The following THOC2 variants were observed in gnomAD, a reference collection of about 807,000 sequenced individuals.
The protein encoded by THOC2 is THO complex 2.
THOC2 carries 10 observed loss-of-function variants against 128.4 expected under a neutral mutation model. The observed-to-expected ratio is 0.08, with a 90% CI of 0.05 to 0.13. The LOEUF is 0.13. Among genes scored for constraint, THOC2 ranks in the 10% least tolerant of loss-of-function variants. THOC2 has a pLI of 1.00. For synonymous variants in THOC2, 393 were observed against 396.9 expected (o/e 0.99, Z 0.12); for missense variants, 535 against 1,155.7 (o/e 0.46, Z 7.79).
chrX:123,694,573 A>T (rs1056437797), intron 7 of THOC2, among the ~76,000 whole-genome samples: 3 of 105,904 alleles, frequency 2.8e-5, no homozygotes, highest in Non-Finnish European at 5.8e-5. Context: ...GCGCCACTGC[A>T]CTCCAGCCTG....
rs6649062 is a variant in THOC2 at position 123,686,046 on chromosome X, A to G, written c.768+502T>C. ...AATAAAAAATAAATAAATAAAAATA[A>G]GATTCTAACTCTTAACACAGTATTC... On this transcript the variant is annotated intron_variant, in intron 8 of 38. Transcript: ENST00000245838. 5.4e-3 allele frequency among the ~76,000 whole-genome samples: 601 copies of G among 111,606 alleles called. 26 individuals are homozygous for G. The East Asian group carries it at 0.15, about 27-fold the overall frequency.
chrX:123,679,822 G>A (rs768971939), intron 8 of THOC2, among the ~76,000 whole-genome samples: 45 of 112,094 alleles, frequency 4.0e-4, no homozygotes, highest in Non-Finnish European at 6.4e-4. Flanking sequence ...GTCAACTCAG[G>A]GTTAAATGGA....
chrX:123,622,642 C>T lies in THOC2; in HGVS notation c.3785+116G>A, dbSNP rs764491480. The T allele has an allele frequency of 1.0e-5, 5 of 478,714 alleles. No individual in the cohort carries two copies. In the South Asian group the frequency reaches 2.1e-4, roughly 21 times the overall value. 39.5% of individuals were successfully genotyped at this position (478,714 alleles called of 1,213,427 possible). ...CCAAGGCAGGTGGATCGCTTGAGGC[C>T]AGAAGTTCGAGACCAGCCTGGGCAA... is the stretch of plus-strand genomic sequence containing the variant. On this transcript the variant is annotated intron_variant, in intron 30 of 38. Transcript: ENST00000245838.
intron 38 of THOC2, among the ~76,000 whole-genome samples, chrX:123,609,902 G>A (rs1471623643): frequency 1.8e-5 from 2 of 110,114 alleles, no homozygotes; most frequent in Non-Finnish European, 3.8e-5. Flanking sequence ...GGTGGCAGGC[G>A]CCTCTAATCC....
intron 7 of THOC2, among the ~76,000 whole-genome samples, chrX:123,688,693 G>T (rs1359202963): frequency 9.0e-6 from 1 of 110,940 alleles, no homozygotes; most frequent in East Asian, 2.8e-4. Context: ...AATTGAGGGG[G>T]AATGGGAGAA....
intron 22 of THOC2, among the ~76,000 whole-genome samples, chrX:123,630,564 G>C (rs919148570): frequency 1.1e-5 from 1 of 89,061 alleles, no homozygotes; most frequent in Admixed American, 1.4e-4. Context: ...AGTGAGCTGA[G>C]ATTGCGCCAC....
intron 1 of THOC2, among the ~76,000 whole-genome samples, chrX:123,720,705 A>T (rs999533369): frequency 9.8e-5 from 11 of 111,772 alleles, no homozygotes; most frequent in African/African-American, 3.6e-4. Flanking sequence ...CGTCATGTAT[A>T]TCTATGAAAG....
In THOC2 at chrX:123,632,978, T is replaced by C. The variant is rs201788324; in HGVS notation, c.2199A>G (p.Leu733=). The change falls in exon 21 of 39, where the codon CTA becomes CTG. Residue 733 remains leucine, a synonymous_variant. Coordinates refer to ENST00000245838, the MANE Select transcript of THOC2 (RefSeq NM_001081550.2). ...GAGGAAGGGCAAGATCATGGTCCAA[T>C]AGAGCATCCTTTAATCTCTGAGAGG... ...KKSSQRLKDA[L]LDHDLALPLC... is the part of the protein sequence containing the mutation. 41 of 1,208,088 alleles carry C rather than the reference T, an allele frequency of 3.4e-5. No homozygotes were observed. Among genetic ancestry groups the C allele is most frequent in the Non-Finnish European group, 4.4e-5 (39 of 893,693 alleles).
At chrX:123,663,975 T>A (rs1212811127) in intron 12 of THOC2, among the ~76,000 whole-genome samples, 2 of 111,887 alleles carry the variant, frequency 1.8e-5, no homozygotes, top group Non-Finnish European at 3.8e-5. Context: ...TGCATAGTAT[T>A]CCATGGTATA....
chrX:123,608,001 C>T (rs1387629745), intron 38 of THOC2, among the ~76,000 whole-genome samples: 1 of 110,988 alleles, frequency 9.0e-6, no homozygotes, highest in African/African-American at 3.3e-5. Flanking sequence ...ACAATCCCAG[C>T]ACATTGGGAG....
At chrX:123,650,042 A>T (rs1456276177) in intron 12 of THOC2, among the ~76,000 whole-genome samples, 4 of 111,724 alleles carry the variant, frequency 3.6e-5, no homozygotes, top group Non-Finnish European at 1.9e-5. Context: ...AAAAAATGTT[A>T]AGGGCAGCCA....
At chrX:123,631,880 A>T in intron 21 of THOC2, 28 bp from the exon 22 acceptor site, 1 of 1,152,648 alleles carries the variant, frequency 8.7e-7, no homozygotes, top group Non-Finnish European at 1.2e-6. Flanking sequence ...GACAAAATCA[A>T]CATATTTTCC....
chrX:123,730,589 G>C (rs1011251593), intron 1 of THOC2, among the ~76,000 whole-genome samples: 5 of 111,861 alleles, frequency 4.5e-5, no homozygotes, highest in Non-Finnish European at 9.4e-5. Flanking sequence ...TAAGTATTTC[G>C]ATCTCCTACA....
At chrX:123,717,858 C>T (rs2051498721) in intron 1 of THOC2, among the ~76,000 whole-genome samples, 2 of 112,409 alleles carry the variant, frequency 1.8e-5, no homozygotes, top group African/African-American at 6.5e-5. Context: ...CTCAAAAGTC[C>T]CTTATATATG....
At chrX:123,675,594 G>C (rs930909400) in intron 8 of THOC2, among the ~76,000 whole-genome samples, 7 of 108,627 alleles carry the variant, frequency 6.4e-5, no homozygotes, top group African/African-American at 2.4e-4. Flanking sequence ...AGTGAGCCGA[G>C]ATTGTGCCAC....
In THOC2 at chrX:123,644,814, T is replaced by C. The variant is rs2048060940; in HGVS notation, c.1524A>G (p.Leu508=). 3 of 1,203,919 alleles carry C rather than the reference T, an allele frequency of 2.5e-6. No homozygotes were observed. The highest frequency in any genetic ancestry group is 1.8e-5 in the South Asian group (1 of 56,286). Residue 508 remains leucine (L), a synonymous_variant, in exon 14 of 39, where the codon CTA becomes CTG. Transcript: ENST00000245838. ...MDCNACMSEE[L]WGMFKTFPYQ... is the part of the protein sequence containing the mutation. ...ATGGAAATGTTTTAAACATTCCCCA[T>C]AGTTCCTCAGACATACAAGCATTGC...
chrX:123,640,941 G>T (rs540113466), intron 15 of THOC2, among the ~76,000 whole-genome samples: 2 of 111,555 alleles, frequency 1.8e-5, no homozygotes, highest in Admixed American at 1.9e-4. Flanking sequence ...TTCTTACAAA[G>T]AATCAAAATT....
intron 29 of THOC2, 114 bp downstream of exon 29, chrX:123,622,991 A>G (rs2047140888): frequency 1.2e-6 from 1 of 866,702 alleles, no homozygotes; most frequent in Admixed American, 3.2e-5. Context: ...ATATACTCCT[A>G]TCTAGGGAAT....
At chrX:123,719,672 C>T (rs183078679) in intron 1 of THOC2, among the ~76,000 whole-genome samples, 9 of 109,548 alleles carry the variant, frequency 8.2e-5, no homozygotes, top group Admixed American at 2.9e-4. Context: ...CACGGTGGCC[C>T]ATGCCTGTAA....
Sources: allele counts gnomAD v4.1 joint callset (sites outside exome capture counted in the v4.1 genomes callset), GRCh38; gene constraint gnomAD v4.1.1; transcripts MANE v1.5; gene names NCBI Gene and HGNC (gene_info 2026-07-23, HGNC 2026-07-21).